Variants in ELAVL4 observed in about 807,000 individuals in gnomAD.
ELAVL4 encodes the protein ELAV like RNA binding protein 4.
A neutral mutation model predicts 35.6 loss-of-function variants in ELAVL4; 1 was observed. That is an observed-to-expected ratio of 0.03 (90% confidence interval 0.01 to 0.13). The LOEUF (loss-of-function observed/expected upper bound fraction) is 0.13. ELAVL4 is among the 10% of genes least tolerant of loss of function. The pLI is 1.00. For missense variants in ELAVL4, 267 were observed against 464.9 expected (o/e 0.57, Z 3.91); for synonymous variants, 156 against 171.0 (o/e 0.91, Z 0.69).
chr1:50,132,100 T>G (rs565584826), intron 1 of ELAVL4, among the ~76,000 whole-genome samples: 1 of 152,274 alleles, frequency 6.6e-6, no homozygotes, highest in African/African-American at 2.4e-5. Flanking sequence ...ATTTTGTTTG[T>G]TTTTTTCCAT....
chr1:50,089,990 A>T (rs7520915), intron 1 of ELAVL4, among the ~76,000 whole-genome samples: 77,548 of 151,888 alleles, frequency 0.51, 21,303 homozygotes, highest in Non-Finnish European at 0.62. Context: ...CCTCAAAAGC[A>T]TTTGAGGTCC....
chr1:50,145,627 G>A (rs1673574352), intron 2 of ELAVL4, among the ~76,000 whole-genome samples: 1 of 152,184 alleles, frequency 6.6e-6, no homozygotes, highest in African/African-American at 2.4e-5. Flanking sequence ...GGCCACTGTG[G>A]ATGTGTGGAC....
chr1:50,074,298 CA>C (rs1664664060), intron 1 of ELAVL4, among the ~76,000 whole-genome samples: 3 of 152,156 alleles, frequency 2.0e-5, no homozygotes, highest in Admixed American at 2.0e-4. Context: ...GTATTTACTT[CA>C]GAGTAGGCAC....
At chr1:50,168,428 G>T (rs1326731137) in intron 2 of ELAVL4, among the ~76,000 whole-genome samples, 1 of 152,162 alleles carries the variant, frequency 6.6e-6, no homozygotes, top group Non-Finnish European at 1.5e-5. Flanking sequence ...CATGATAAGA[G>T]CTCATGTCTG....
chr1:50,066,505 G>T (rs1473070435), intron 1 of ELAVL4, among the ~76,000 whole-genome samples: 1 of 152,080 alleles, frequency 6.6e-6, no homozygotes, highest in African/African-American at 2.4e-5. Flanking sequence ...GTTTTTCCAT[G>T]TCTAACTGCT....
intron 1 of ELAVL4, among the ~76,000 whole-genome samples, chr1:50,091,588 A>G (rs1023318367): frequency 6.6e-6 from 1 of 152,180 alleles, no homozygotes; most frequent in Non-Finnish European, 1.5e-5. Flanking sequence ...AAGACTCCCA[A>G]CACAGAAATT....
At chr1:50,142,221 C>T (rs186830156) in intron 1 of ELAVL4, among the ~76,000 whole-genome samples, 79 of 152,210 alleles carry the variant, frequency 5.2e-4, no homozygotes, top group Middle Eastern at 3.4e-3. Flanking sequence ...TTTTTTGAGA[C>T]GGAGTTTCAC....
intron 2 of ELAVL4, among the ~76,000 whole-genome samples, chr1:50,172,676 A>C (rs1041410966): frequency 2.0e-5 from 3 of 152,208 alleles, no homozygotes; most frequent in African/African-American, 7.2e-5. Context: ...TACATAAAAA[A>C]GTTTTCTAAC....
chr1:50,104,537 T>C (rs1204711845), upstream of ELAVL4, among the ~76,000 whole-genome samples: 3 of 152,216 alleles, frequency 2.0e-5, no homozygotes, highest in Non-Finnish European at 2.9e-5. Flanking sequence ...ATAGTCACTA[T>C]TGTGTATGGC....
chr1:50,121,488 A>G (rs1194390178), intron 1 of ELAVL4, among the ~76,000 whole-genome samples: 3 of 152,104 alleles, frequency 2.0e-5, no homozygotes, highest in African/African-American at 4.8e-5. Context: ...GTATTATTTC[A>G]TGAATCTTTG....
chr1:50,146,278 T>C (rs980332472), intron 2 of ELAVL4, among the ~76,000 whole-genome samples: 12 of 152,026 alleles, frequency 7.9e-5, no homozygotes, highest in Non-Finnish European at 5.9e-5. Flanking sequence ...GTTCTCATAA[T>C]TCACATGTAA....
chr1:50,103,210 TC>T (rs1666080471), upstream of ELAVL4, among the ~76,000 whole-genome samples: 1 of 152,154 alleles, frequency 6.6e-6, no homozygotes, highest in African/African-American at 2.4e-5. Context: ...TTGTCACATT[TC>T]CCCCCACAGT....
chr1:50,065,092 G>C (rs1664195823), intron 1 of ELAVL4, among the ~76,000 whole-genome samples: 1 of 152,162 alleles, frequency 6.6e-6, no homozygotes, highest in Non-Finnish European at 1.5e-5. Context: ...TGGCTGTGGA[G>C]TTACTAGACT....
At chr1:50,073,758 C>T (rs1664637288) in intron 1 of ELAVL4, among the ~76,000 whole-genome samples, 1 of 152,020 alleles carries the variant, frequency 6.6e-6, no homozygotes, top group South Asian at 2.1e-4. Context: ...GAGAAAAACA[C>T]CAAGAGCTTT....
intron 1 of ELAVL4, among the ~76,000 whole-genome samples, chr1:50,080,832 G>A (rs542819222): frequency 6.6e-6 from 1 of 152,276 alleles, no homozygotes; most frequent in South Asian, 2.1e-4. Flanking sequence ...AGGATGGAAG[G>A]AAATAAATTC....
intron 2 of ELAVL4, among the ~76,000 whole-genome samples, chr1:50,157,230 T>A (rs1385319923): frequency 1.3e-5 from 2 of 152,164 alleles, no homozygotes; most frequent in Non-Finnish European, 2.9e-5. Context: ...TATGGGACTT[T>A]TGGTGGATCA....
At position 50,128,641 on chromosome 1, in the gene ELAVL4, T is replaced by C. The variant is rs113068075; in HGVS notation, c.10-16316T>C. 4.4e-3 allele frequency among the ~76,000 whole-genome samples: 665 copies of C among 152,014 alleles called. 4 individuals carry two copies. The highest frequency in any genetic ancestry group is 7.5e-3 in the Non-Finnish European group (508 of 67,956). Reference sequence around the variant, plus strand: ...TGAGAGACAAAGGTAAGAGCCATGATGGGGGATTGGAGAAGGGGCATGCTA... The same window carrying C: ...TGAGAGACAAAGGTAAGAGCCATGACGGGGGATTGGAGAAGGGGCATGCTA... On this transcript the variant is annotated intron_variant, in intron 1 of 6. Coordinates refer to ENST00000371824, the MANE Select transcript of ELAVL4 (RefSeq NM_001144774.3).
In ELAVL4 at chr1:50,130,052, A is replaced by C. The variant is rs1170458334; in HGVS notation, c.10-14905A>C. Among the ~76,000 whole-genome samples the C allele has an allele frequency of 2.6e-5, 4 of 152,294 alleles. No individual in the cohort carries two copies. The East Asian group carries it at 5.8e-4, about 22-fold the overall frequency. ...AAGGCTGGTGGTGGATTTCCAACCC[A>C]AGTCGGATCACCTCCAAATCTCATG... On this transcript the variant is annotated intron_variant, in intron 1 of 6. Transcript: ENST00000371824.
At chr1:50,193,634 C>A in intron 3 of ELAVL4, 131 bp from the exon 4 acceptor site, 1 of 1,141,874 alleles carries the variant, frequency 8.8e-7, no homozygotes, top group Non-Finnish European at 1.2e-6. Flanking sequence ...AAAATCTGAA[C>A]TACTGAGTGA....
Sources: gnomAD v4.1 joint callset for allele counts (sites outside exome capture counted in the v4.1 genomes callset) on GRCh38, gnomAD v4.1.1 for gene constraint, MANE v1.5 for transcripts, NCBI Gene and HGNC (gene_info 2026-07-23, HGNC 2026-07-21) for gene names.